GLIS3: variants seen among roughly 807,000 people sequenced by gnomAD.
The protein encoded by GLIS3 is zinc finger protein GLIS3.
Under a neutral mutation model 78.6 loss-of-function variants are expected in GLIS3, and 53 were observed. The observed-to-expected ratio is 0.67, with a 90% CI of 0.54 to 0.85. The LOEUF (loss-of-function observed/expected upper bound fraction) is 0.85. Ranked by LOEUF, GLIS3 falls within the 40% of genes least tolerant of loss-of-function variation. The pLI is 0.00. For missense variants in GLIS3, 1,703 were observed against 1,231.1 expected (o/e 1.38, Z -5.74); for synonymous variants, 684 against 509.9 (o/e 1.34, Z -4.60).
intron 2 of GLIS3, among the ~76,000 whole-genome samples, chr9:4,190,817 T>C (rs200948662): frequency 2.6e-5 from 4 of 152,228 alleles, no homozygotes; most frequent in Non-Finnish European, 4.4e-5. Flanking sequence ...AAAGCCCATC[T>C]GACTAACAGC....
the GLIS3 span, among the ~76,000 whole-genome samples, chr9:4,448,746 C>T: frequency 6.6e-6 from 1 of 152,176 alleles, no homozygotes; most frequent in African/African-American, 2.4e-5. Flanking sequence ...TAGCACCATG[C>T]TGAATTGAAG....
At chr9:4,333,486 C>G (rs1817713728) in intron 2 of GLIS3, among the ~76,000 whole-genome samples, 1 of 152,184 alleles carries the variant, frequency 6.6e-6, no homozygotes, top group East Asian at 1.9e-4. Context: ...GGAGAGATTT[C>G]TAGTCTTCTG....
intron 4 of GLIS3, among the ~76,000 whole-genome samples, chr9:4,114,080 C>T (rs1213706252): frequency 6.6e-6 from 1 of 152,130 alleles, no homozygotes; most frequent in Admixed American, 6.5e-5. Context: ...TGCTTTCAGT[C>T]GTACGTGAAG....
intron 4 of GLIS3, among the ~76,000 whole-genome samples, chr9:4,019,695 A>T (rs56764611): frequency 6.6e-6 from 1 of 152,162 alleles, no homozygotes; most frequent in Admixed American, 6.5e-5. Flanking sequence ...ACAATGTGAG[A>T]CTCATGGGAA....
intron 2 of GLIS3, among the ~76,000 whole-genome samples, chr9:4,320,271 A>G (rs1280087193): frequency 1.3e-5 from 2 of 152,266 alleles, no homozygotes; most frequent in East Asian, 3.9e-4. Context: ...CTAGCCCCTA[A>G]AAGAATTTGA....
intron 8 of GLIS3, among the ~76,000 whole-genome samples, chr9:3,861,966 A>C (rs1293644285): frequency 6.6e-6 from 1 of 152,224 alleles, no homozygotes; most frequent in Non-Finnish European, 1.5e-5. Context: ...TTTAAAAAAG[A>C]AAGTGAAGCA....
At chr9:3,900,345 A>G (rs12343283) in intron 6 of GLIS3, among the ~76,000 whole-genome samples, 235 of 152,308 alleles carry the variant, frequency 1.5e-3, no homozygotes, top group African/African-American at 5.4e-3. Flanking sequence ...GGCATTGTTC[A>G]ACAATGTTCA....
the GLIS3 span, among the ~76,000 whole-genome samples, chr9:4,402,471 G>A: frequency 6.6e-6 from 1 of 152,080 alleles, no homozygotes; most frequent in East Asian, 1.9e-4. Flanking sequence ...CTCACCAAAT[G>A]AACTAAATAA....
intron 4 of GLIS3, among the ~76,000 whole-genome samples, chr9:4,024,678 A>G (rs1016941200): frequency 3.3e-5 from 5 of 152,218 alleles, no homozygotes; most frequent in Non-Finnish European, 7.3e-5. Flanking sequence ...AACTGTACCG[A>G]TTCACAGGGC....
At chr9:4,075,252 A>C (rs540619677) in intron 4 of GLIS3, among the ~76,000 whole-genome samples, 1 of 152,058 alleles carries the variant, frequency 6.6e-6, no homozygotes, top group Non-Finnish European at 1.5e-5. Context: ...TGTCAGTAAG[A>C]TTTATTGAAA....
chr9:4,407,221 G>A, the GLIS3 span, among the ~76,000 whole-genome samples: 5 of 152,202 alleles, frequency 3.3e-5, no homozygotes, highest in African/African-American at 1.2e-4. Context: ...AAGTGACACT[G>A]GGAAAACTGG....
chr9:4,395,462 C>A, the GLIS3 span, among the ~76,000 whole-genome samples: 1 of 152,134 alleles, frequency 6.6e-6, no homozygotes, highest in Non-Finnish European at 1.5e-5. Context: ...GCCTGAGATA[C>A]CTGGTGGTGT....
the GLIS3 span, among the ~76,000 whole-genome samples, chr9:4,443,327 T>C: frequency 1.3e-5 from 2 of 152,224 alleles, no homozygotes; most frequent in African/African-American, 2.4e-5. Flanking sequence ...CATGTCTGCA[T>C]TACAGAGCAG....
chr9:4,180,052 C>A (rs1249299963), intron 2 of GLIS3, among the ~76,000 whole-genome samples: 2 of 152,110 alleles, frequency 1.3e-5, no homozygotes, highest in African/African-American at 4.8e-5. Flanking sequence ...TGACGGATAC[C>A]TGACTTAGAG....
At chr9:4,387,190 T>C in the GLIS3 span, among the ~76,000 whole-genome samples, 4 of 152,230 alleles carry the variant, frequency 2.6e-5, no homozygotes. Context: ...TGGACTGTTC[T>C]AGAATCTCTG....
At chr9:4,207,967 GGGGGTAGC>G (rs1820031529) in intron 2 of GLIS3, among the ~76,000 whole-genome samples, 1 of 152,196 alleles carries the variant, frequency 6.6e-6, no homozygotes, top group Non-Finnish European at 1.5e-5. Context: ...GAACCACGTT[GGGGGTAGC>G]GGTGTGCTTT....
At chr9:4,320,647 G>T (rs1043271066) in intron 2 of GLIS3, among the ~76,000 whole-genome samples, 1 of 151,494 alleles carries the variant, frequency 6.6e-6, no homozygotes, top group African/African-American at 2.4e-5. Context: ...CATCATTACT[G>T]TTGCCACCAT....
chr9:4,051,087 G>A (rs985919365), intron 4 of GLIS3, among the ~76,000 whole-genome samples: 8 of 152,150 alleles, frequency 5.3e-5, no homozygotes, highest in Non-Finnish European at 7.4e-5. Context: ...ATAAGCTCCC[G>A]TGAGGCCTAA....
intron 4 of GLIS3, among the ~76,000 whole-genome samples, chr9:3,946,588 AC>A (rs1484847710): frequency 2.0e-5 from 3 of 152,222 alleles, no homozygotes; most frequent in African/African-American, 7.2e-5. Context: ...TAGGAAAAAT[AC>A]TAATAACAAC....
Sources: allele counts gnomAD v4.1 joint callset (sites outside exome capture counted in the v4.1 genomes callset), GRCh38; gene constraint gnomAD v4.1.1; transcripts MANE v1.5; gene names NCBI Gene and HGNC (gene_info 2026-07-23, HGNC 2026-07-21).